CNTN4: variants seen among roughly 807,000 people sequenced by gnomAD.
The protein encoded by CNTN4 is contactin 4.
A neutral mutation model predicts 122.5 loss-of-function variants in CNTN4; 77 were observed. The ratio of observed to expected loss-of-function variants is 0.63; its 90% CI spans 0.52 to 0.76. The LOEUF is 0.76. CNTN4 is among the 30% of genes least tolerant of loss of function. The pLI is 0.00. For synonymous variants in CNTN4, 512 were observed against 447.0 expected, an observed-to-expected ratio of 1.15 and a Z score of -1.83; for missense variants, 1,256 against 1,259.1, an observed-to-expected ratio of 1.00 and a Z score of 0.04.
intron 6 of CNTN4, among the ~76,000 whole-genome samples, chr3:2,797,358 G>C (rs954692748): frequency 6.6e-6 from 1 of 152,168 alleles, no homozygotes; most frequent in African/African-American, 2.4e-5. Context: ...CAACACTTTG[G>C]GAGGCCAAGT....
At chr3:2,271,008 C>A (rs151174228) in intron 2 of CNTN4, among the ~76,000 whole-genome samples, 83 of 152,188 alleles carry the variant, frequency 5.5e-4, no homozygotes, top group African/African-American at 1.9e-3. Flanking sequence ...ATTAATTAGA[C>A]CACTGCTTAT....
chr3:2,312,289 T>C (rs1274247146), intron 2 of CNTN4, among the ~76,000 whole-genome samples: 3 of 152,108 alleles, frequency 2.0e-5, no homozygotes, highest in African/African-American at 7.2e-5. Flanking sequence ...TCTCCTTTTA[T>C]TAATGTTGTG....
At chr3:2,256,194 A>G (rs572452256) in intron 2 of CNTN4, among the ~76,000 whole-genome samples, 2 of 152,330 alleles carry the variant, frequency 1.3e-5, no homozygotes, top group African/African-American at 4.8e-5. Flanking sequence ...AATCTGGAAG[A>G]AATGTATAAA....
intron 10 of CNTN4, among the ~76,000 whole-genome samples, chr3:2,897,415 A>G (rs1167797006): frequency 6.7e-6 from 1 of 149,222 alleles, no homozygotes; most frequent in African/African-American, 2.5e-5. Context: ...AATTCTGCTT[A>G]ATATGTGGGC....
intron 6 of CNTN4, among the ~76,000 whole-genome samples, chr3:2,770,509 C>T (rs745476111): frequency 6.6e-6 from 1 of 152,216 alleles, no homozygotes; most frequent in Non-Finnish European, 1.5e-5. Context: ...ATCAGTCTGG[C>T]TCTACCAAAG....
intron 2 of CNTN4, among the ~76,000 whole-genome samples, chr3:2,183,638 T>C (rs2037119488): frequency 1.3e-5 from 2 of 152,322 alleles, no homozygotes; most frequent in African/African-American, 2.4e-5. Context: ...TCTGTTTGTT[T>C]GCTTGCCAAC....
In CNTN4 at chr3:2,385,927, T is replaced by C. The variant is rs12636800; in HGVS notation, c.-89+46694T>C. Among the ~76,000 whole-genome samples, 24,764 of 152,082 alleles carry C rather than the reference T, an allele frequency of 0.16. 2,144 individuals carry two copies. Among genetic ancestry groups the C allele is most frequent in the Middle Eastern group, 0.22 (66 of 294 alleles). On this transcript the variant is annotated intron_variant, in intron 3 of 24. Coordinates refer to ENST00000418658, the MANE Select transcript of CNTN4 (RefSeq NM_175607.3). The surrounding 1 kb of genome is among the most constrained non-coding windows in gnomAD (Gnocchi z 4.0). The stretch of plus-strand genomic sequence containing the variant: ...AATATTTGATAAATGAATGAATACA[T>C]GCATTCTCACTCAGCAGTCGCTCCC...
At chr3:2,796,624 T>A (rs1269753024) in intron 6 of CNTN4, among the ~76,000 whole-genome samples, 2 of 152,238 alleles carry the variant, frequency 1.3e-5, no homozygotes, top group African/African-American at 4.8e-5. Flanking sequence ...ACCACTGTTA[T>A]GAATAAAGAT....
At chr3:2,994,177 C>T (rs1156527834) in intron 14 of CNTN4, among the ~76,000 whole-genome samples, 2 of 152,008 alleles carry the variant, frequency 1.3e-5, no homozygotes, top group Non-Finnish European at 2.9e-5. Context: ...CAGAACTGTT[C>T]CACCTTTACC....
chr3:2,106,673 G>T (rs1297237457), intron 2 of CNTN4, among the ~76,000 whole-genome samples: 1 of 152,172 alleles, frequency 6.6e-6, no homozygotes, highest in Non-Finnish European at 1.5e-5. Flanking sequence ...GTGATGGGAG[G>T]GGCTGCCGCC....
intron 2 of CNTN4, among the ~76,000 whole-genome samples, chr3:2,189,310 C>G (rs982366527): frequency 2.0e-5 from 3 of 152,106 alleles, no homozygotes; most frequent in Non-Finnish European, 4.4e-5. Flanking sequence ...AAGTCCTTCA[C>G]CGATGCCTGC....
intron 2 of CNTN4, among the ~76,000 whole-genome samples, chr3:2,115,076 A>G (rs1181904434): frequency 6.6e-6 from 1 of 152,184 alleles, no homozygotes; most frequent in Non-Finnish European, 1.5e-5. Flanking sequence ...CCTAATAGGC[A>G]GTGGACCATG....
intron 13 of CNTN4, among the ~76,000 whole-genome samples, chr3:2,928,876 A>G (rs2094496003): frequency 6.6e-6 from 1 of 152,198 alleles, no homozygotes; most frequent in African/African-American, 2.4e-5. Context: ...CCATGTGGTG[A>G]TATTGTAGTT....
At chr3:2,245,976 A>C (rs1330020645) in intron 2 of CNTN4, among the ~76,000 whole-genome samples, 2 of 152,000 alleles carry the variant, frequency 1.3e-5, no homozygotes, top group Non-Finnish European at 2.9e-5. Context: ...ATCTGTGTGC[A>C]CACATGCGTG....
At chr3:2,996,080 C>T (rs974567969) in intron 14 of CNTN4, among the ~76,000 whole-genome samples, 2 of 151,862 alleles carry the variant, frequency 1.3e-5, no homozygotes, top group African/African-American at 2.4e-5. Flanking sequence ...AATACACATG[C>T]GGCATAAGCC....
At chr3:3,050,530 G>A (rs1218438515) in intron 23 of CNTN4, among the ~76,000 whole-genome samples, 4 of 151,980 alleles carry the variant, frequency 2.6e-5, no homozygotes, top group South Asian at 4.2e-4. Context: ...TTGGGAGGCC[G>A]AGGTGGGTGG....
intron 14 of CNTN4, chr3:2,989,076 AG>A (rs1694835134): frequency 6.5e-6 from 1 of 153,074 alleles, no homozygotes; most frequent in Non-Finnish European, 1.5e-5. Context: ...CTCTTAGCAA[AG>A]CACGTGAGTG....
chr3:2,710,038 G>C (rs1037601795), intron 4 of CNTN4, among the ~76,000 whole-genome samples: 1 of 152,140 alleles, frequency 6.6e-6, no homozygotes, highest in South Asian at 2.1e-4. Flanking sequence ...CTCTTGAAAA[G>C]GCACTGATTA....
intron 12 of CNTN4, among the ~76,000 whole-genome samples, chr3:2,912,340 G>A (rs1000848650): frequency 6.6e-6 from 1 of 152,174 alleles, no homozygotes; most frequent in Non-Finnish European, 1.5e-5. Context: ...CGGTAAAACT[G>A]TCCTTCCAAA....
Sources: allele counts gnomAD v4.1 joint callset (sites outside exome capture counted in the v4.1 genomes callset), GRCh38; gene constraint gnomAD v4.1.1; non-coding constraint Gnocchi (gnomAD v3.1); transcripts MANE v1.5; gene names NCBI Gene and HGNC (gene_info 2026-07-23, HGNC 2026-07-21).